Variants in FKTN observed in about 807,000 individuals in gnomAD.
The protein encoded by FKTN is ribitol-5-phosphate transferase FKTN.
FKTN carries 47 observed loss-of-function variants against 58.6 expected under a neutral mutation model. That is an observed-to-expected ratio of 0.80 (90% CI 0.63 to 1.02). The LOEUF is 1.02. FKTN is among the 50% of genes least tolerant of loss of function. FKTN has a pLI of 0.00. For synonymous variants in FKTN, 178 were observed against 191.9 expected (o/e 0.93, Z 0.60); for missense variants, 516 against 537.3 (o/e 0.96, Z 0.39).
intron 1 of FKTN, among the ~76,000 whole-genome samples, chr9:105,567,917 C>A (rs1839984207): frequency 6.6e-6 from 1 of 152,202 alleles, no homozygotes; most frequent in South Asian, 2.1e-4. Context: ...GTAACCAAAA[C>A]AGCATGGTAC....
Position 105,607,963 on chromosome 9 carries a change from C to A in FKTN, c.780+12C>A, listed in dbSNP as rs1564301846. 1.2e-6 allele frequency: 2 copies of A among 1,606,446 alleles called. No individual in the cohort carries two copies. The highest frequency in any genetic ancestry group is 1.7e-6 in the Non-Finnish European group (2 of 1,173,462). ...GAGCATTCTTTCAGGTTAGAGACAA[C>A]CAAATGTGTACTTTTAAATTAAAGA... On this transcript the variant is annotated intron_variant, in intron 7 of 10. Transcript: ENST00000357998.
intron 1 of FKTN, among the ~76,000 whole-genome samples, chr9:105,561,438 T>C (rs918439055): frequency 6.6e-6 from 1 of 152,114 alleles, no homozygotes; most frequent in South Asian, 2.1e-4. Context: ...TCAATTGATG[T>C]TCACGTAAGA....
chr9:105,604,980 G>A (rs187325549), intron 6 of FKTN, among the ~76,000 whole-genome samples: 1 of 150,852 alleles, frequency 6.6e-6, no homozygotes, highest in Admixed American at 6.6e-5. Context: ...AACTGTAAAG[G>A]AATAAATAAT....
At position 105,567,710 on chromosome 9, in the gene FKTN, T is replaced by C. The variant is rs1839931435; in HGVS notation, c.-180-5945T>C. On this transcript the variant is annotated intron_variant, in intron 1 of 10. Coordinates refer to ENST00000357998, the MANE Select transcript of FKTN (RefSeq NM_001079802.2). Reference sequence around the variant, plus strand: ...AGAATCGATATCTTGAAAATGGCCATACTGCCCAAGGTAATTTATAGATTC... The same window carrying C: ...AGAATCGATATCTTGAAAATGGCCACACTGCCCAAGGTAATTTATAGATTC... 1.3e-5 allele frequency among the ~76,000 whole-genome samples: 2 copies of C among 152,148 alleles called. 1 individual carries two copies. Among genetic ancestry groups the C allele is most frequent in the South Asian group, 4.1e-4 (2 of 4,834 alleles).
intron 1 of FKTN, among the ~76,000 whole-genome samples, chr9:105,573,044 G>A (rs1349278114): frequency 6.6e-6 from 1 of 152,028 alleles, no homozygotes. Context: ...TGACCAGCCT[G>A]ACCACCACAG....
rs1359131832 is a variant in FKTN at position 105,635,306 on chromosome 9, A to G, written c.*42A>G. 1 of 1,613,286 alleles carries G rather than the reference A, an allele frequency of 6.2e-7. No homozygotes were observed. Among genetic ancestry groups the G allele is most frequent in the Non-Finnish European group, 8.5e-7 (1 of 1,179,492 alleles). ...GGGAGAATTTCTCTTTTGGAAAAAAAGGTAGATAACTGTTTAAAAAATACA... is the reference window on the plus strand; with the variant it reads ...GGGAGAATTTCTCTTTTGGAAAAAAGGGTAGATAACTGTTTAAAAAATACA... On this transcript the variant is annotated 3_prime_UTR_variant, in exon 11 of 11. Coordinates refer to ENST00000357998, the MANE Select transcript of FKTN (RefSeq NM_001079802.2).
At chr9:105,610,611 A>G (rs577764327) in intron 7 of FKTN, among the ~76,000 whole-genome samples, 1 of 151,844 alleles carries the variant, frequency 6.6e-6, no homozygotes, top group East Asian at 1.9e-4. Context: ...ACACACGTAG[A>G]GGCATTCTTC....
At chr9:105,594,573 G>A (rs1826398027) in intron 3 of FKTN, among the ~76,000 whole-genome samples, 2 of 152,176 alleles carry the variant, frequency 1.3e-5, no homozygotes, top group South Asian at 2.1e-4. Context: ...GTGACAACCT[G>A]TCTTTATGAA....
chr9:105,626,830 C>T (rs983961584), intron 10 of FKTN, among the ~76,000 whole-genome samples: 3 of 152,074 alleles, frequency 2.0e-5, no homozygotes, highest in African/African-American at 7.2e-5. Context: ...TTTTCCTTGA[C>T]TTAATGAAGG....
chr9:105,567,954 A>G (rs1839991607), intron 1 of FKTN, among the ~76,000 whole-genome samples: 1 of 152,234 alleles, frequency 6.6e-6, no homozygotes, highest in African/African-American at 2.4e-5. Flanking sequence ...ATATAGAACA[A>G]TGGAACAGAA....
At chr9:105,569,754 T>G (rs1840410884) in intron 1 of FKTN, among the ~76,000 whole-genome samples, 1 of 152,230 alleles carries the variant, frequency 6.6e-6, no homozygotes, top group Non-Finnish European at 1.5e-5. Flanking sequence ...AACTTTAAGA[T>G]TATTGGGCTA....
At chr9:105,630,568 A>G (rs1387897561) in intron 10 of FKTN, among the ~76,000 whole-genome samples, 1 of 152,322 alleles carries the variant, frequency 6.6e-6, no homozygotes, top group Admixed American at 6.5e-5. Context: ...AGAAAACTAA[A>G]TAACTATTTT....
intron 10 of FKTN, among the ~76,000 whole-genome samples, chr9:105,626,714 C>CT (rs1396787798): frequency 2.6e-5 from 4 of 152,294 alleles, no homozygotes; most frequent in Middle Eastern, 3.4e-3. Context: ...TGTTATAGAA[C>CT]TTTCCATTGC....
At position 105,637,031 on chromosome 9, in the gene FKTN, A is replaced by G; in HGVS notation, c.*1767A>G. 1 of 993,284 alleles carries G rather than the reference A, an allele frequency of 1.0e-6. No homozygotes were observed. The highest frequency in any genetic ancestry group is 1.2e-6 in the Non-Finnish European group (1 of 834,040). The allele number at this position is 993,284 out of a possible 1,614,324, so 61.5% of individuals were successfully genotyped here. On this transcript the variant is annotated 3_prime_UTR_variant, in exon 11 of 11. Transcript: ENST00000357998. ...CCAAAATGGCACATCATCATAATCCATTTTCTCTTTGCTAGAAAATCAGCC... is the reference window on the plus strand; with the variant it reads ...CCAAAATGGCACATCATCATAATCCGTTTTCTCTTTGCTAGAAAATCAGCC...
intron 7 of FKTN, among the ~76,000 whole-genome samples, chr9:105,609,283 T>A (rs1453913237): frequency 6.6e-6 from 1 of 152,186 alleles, no homozygotes; most frequent in Non-Finnish European, 1.5e-5. Flanking sequence ...TTTCTTTTTT[T>A]AAAATAATTT....
intron 3 of FKTN, among the ~76,000 whole-genome samples, chr9:105,592,259 C>G (rs1027273778): frequency 6.6e-6 from 1 of 152,164 alleles, no homozygotes; most frequent in Non-Finnish European, 1.5e-5. Flanking sequence ...AAATATGTTC[C>G]AATTTTATGT....
In FKTN at chr9:105,639,965, G is replaced by A; in HGVS notation, c.*4701G>A. On this transcript the variant is annotated 3_prime_UTR_variant, in exon 11 of 11. Transcript: ENST00000357998. ...AATTAGATATAAGCCATGATTTGGA[G>A]AGGGAAGAAATCTGGAATACTTAAT... The A allele has an allele frequency of 2.7e-6, 4 of 1,497,190 alleles. No homozygotes were observed. Among genetic ancestry groups the A allele is most frequent in the Non-Finnish European group, 2.7e-6 (3 of 1,126,662 alleles). The allele number at this position is 1,497,190 out of a possible 1,614,324, so 92.7% of individuals were successfully genotyped here.
chr9:105,638,269 G>A lies in FKTN; in HGVS notation c.*3005G>A. ...GCATCCAGTGCTTCATTGAGGCTAA[G>A]TCTCAGGGTGTTTCTGCCGCTTAGT... On this transcript the variant is annotated 3_prime_UTR_variant, in exon 11 of 11. Coordinates refer to ENST00000357998, the MANE Select transcript of FKTN (RefSeq NM_001079802.2). 12 of 985,380 alleles carry A rather than the reference G, an allele frequency of 1.2e-5. No individual in the cohort carries two copies. The highest frequency in any genetic ancestry group is 1.3e-5 in the Non-Finnish European group (11 of 829,900). The allele number at this position is 985,380 out of a possible 1,614,324, so 61.0% of individuals were successfully genotyped here.
intron 3 of FKTN, among the ~76,000 whole-genome samples, chr9:105,595,432 A>G (rs533517580): frequency 2.0e-5 from 3 of 152,304 alleles, no homozygotes; most frequent in African/African-American, 7.2e-5. Context: ...TTTGTAATCA[A>G]CTAATGTAGG....
Sources: gnomAD v4.1 joint callset for allele counts (sites outside exome capture counted in the v4.1 genomes callset) on GRCh38, gnomAD v4.1.1 for gene constraint, MANE v1.5 for transcripts, NCBI Gene and HGNC (gene_info 2026-07-23, HGNC 2026-07-21) for gene names.